The following NRG1 variants were observed in gnomAD, a reference collection of about 807,000 sequenced individuals.
NRG1 encodes the protein neuregulin 1.
In NRG1, 18 loss-of-function variants were observed where a neutral mutation model predicts 63.8. The ratio of observed to expected loss-of-function variants is 0.28; its 90% CI spans 0.19 to 0.42. The LOEUF is 0.42. Ranked by LOEUF, NRG1 falls within the 10% of genes least tolerant of loss-of-function variation. The pLI is 1.00. For synonymous variants in NRG1, 302 were observed against 301.3 expected, an observed-to-expected ratio of 1.00 and a Z score of -0.02; for missense variants, 762 against 814.7, an observed-to-expected ratio of 0.94 and a Z score of 0.79.
At chr8:32,322,361 A>T (rs1186002425) in intron 1 of NRG1, among the ~76,000 whole-genome samples, 3 of 123,884 alleles carry the variant, frequency 2.4e-5, no homozygotes, top group African/African-American at 1.1e-4. Context: ...TATTTTATAT[A>T]TATATATATA....
chr8:32,519,355 G>A (rs1363399607), intron 1 of NRG1, among the ~76,000 whole-genome samples: 1 of 151,870 alleles, frequency 6.6e-6, no homozygotes, highest in Non-Finnish European at 1.5e-5. Context: ...AAATAGATTT[G>A]AATGGATGGC....
At chr8:32,458,687 T>C (rs1456438102) in intron 1 of NRG1, among the ~76,000 whole-genome samples, 1 of 152,180 alleles carries the variant, frequency 6.6e-6, no homozygotes, top group African/African-American at 2.4e-5. Flanking sequence ...CCCTCTCCCT[T>C]CTCCCAGCAG....
intron 1 of NRG1, among the ~76,000 whole-genome samples, chr8:32,389,291 G>A (rs1041852716): frequency 1.3e-5 from 2 of 152,190 alleles, no homozygotes; most frequent in Admixed American, 1.3e-4. Context: ...CTACAAAGAA[G>A]CCTATCAGCA....
chr8:32,216,134 ATATAT>A (rs567784240), intron 1 of NRG1, among the ~76,000 whole-genome samples: 17 of 151,114 alleles, frequency 1.1e-4, no homozygotes, highest in African/African-American at 1.9e-4. Flanking sequence ...ATGGAAATGT[ATATAT>A]TATATTAGAA....
intron 1 of NRG1, among the ~76,000 whole-genome samples, chr8:32,379,185 A>G (rs1252834958): frequency 2.0e-5 from 3 of 152,016 alleles, no homozygotes; most frequent in African/African-American, 7.2e-5. Context: ...ACCTTGACAG[A>G]TTTTTTTCTG....
chr8:32,582,431 A>G (rs1840838478), intron 1 of NRG1, among the ~76,000 whole-genome samples: 1 of 152,150 alleles, frequency 6.6e-6, no homozygotes, highest in Non-Finnish European at 1.5e-5. Context: ...CTTTAATAAC[A>G]TGATCAGTTC....
At chr8:32,253,223 C>T (rs1849321069) in intron 1 of NRG1, among the ~76,000 whole-genome samples, 1 of 152,262 alleles carries the variant, frequency 6.6e-6, no homozygotes, top group East Asian at 1.9e-4. Flanking sequence ...CCAGAACTTC[C>T]AATACAATGT....
intron 1 of NRG1, among the ~76,000 whole-genome samples, chr8:32,304,009 A>G (rs1260759578): frequency 2.0e-5 from 3 of 152,228 alleles, no homozygotes; most frequent in Non-Finnish European, 4.4e-5. Context: ...TTTGTTAGGA[A>G]GGTAATGTTG....
At chr8:31,942,773 C>A (rs327355) in intron 1 of NRG1, among the ~76,000 whole-genome samples, 131,291 of 152,024 alleles carry the variant, frequency 0.86, 57,378 homozygotes, top group Non-Finnish European at 0.91. Context: ...AAATGGCCAA[C>A]AAGCATATGG....
chr8:32,552,402 C>A (rs1406551757), intron 1 of NRG1, among the ~76,000 whole-genome samples: 2 of 152,048 alleles, frequency 1.3e-5, no homozygotes, highest in Non-Finnish European at 2.9e-5. Context: ...TCCTGTCTCC[C>A]TTCACTCCTG....
intron 1 of NRG1, among the ~76,000 whole-genome samples, chr8:31,945,429 A>G (rs879350531): frequency 6.6e-6 from 1 of 152,148 alleles, no homozygotes; most frequent in African/African-American, 2.4e-5. Context: ...TTTTGCTGTT[A>G]TACTCTGAAT....
At chr8:31,878,194 T>C (rs1830070991) in intron 1 of NRG1, among the ~76,000 whole-genome samples, 1 of 152,202 alleles carries the variant, frequency 6.6e-6, no homozygotes, top group African/African-American at 2.4e-5. Context: ...GACTTTGCTA[T>C]GTTTTCAAAT....
chr8:31,816,607 C>T (rs1823471547), intron 1 of NRG1, among the ~76,000 whole-genome samples: 1 of 152,260 alleles, frequency 6.6e-6, no homozygotes, highest in African/African-American at 2.4e-5. Flanking sequence ...TATATCCTCA[C>T]TTTGTGAACT....
chr8:32,754,568 C>A, intron 8 of NRG1, 94 bp downstream of exon 8: 1 of 1,117,828 alleles, frequency 8.9e-7, no homozygotes. Flanking sequence ...ACAGCCTAGT[C>A]TTGGGGATAA....
At position 32,027,387 on chromosome 8, in the gene NRG1, A is replaced by T. The variant is rs141269679; in HGVS notation, c.37+387956A>T. 8.6e-5 allele frequency among the ~76,000 whole-genome samples: 13 copies of T among 150,910 alleles called. No homozygotes were observed. In the East Asian group the frequency reaches 2.5e-3, roughly 29 times the overall value. The stretch of plus-strand genomic sequence containing the variant: ...TTATATTTTAATTTGCTAAATCTGT[A>T]TGTTTTTTATAAATTTCCTTCCTTC... On this transcript the variant is annotated intron_variant, in intron 1 of 10. Coordinates refer to the NRG1 transcript ENST00000519301.
chr8:31,875,972 A>G (rs375694126), intron 1 of NRG1, among the ~76,000 whole-genome samples: 18 of 152,238 alleles, frequency 1.2e-4, no homozygotes, highest in African/African-American at 3.6e-4. Flanking sequence ...TCATGATAGC[A>G]GGGGGCAGAT....
intron 1 of NRG1, 104 bp downstream of exon 1, chr8:32,548,930 G>T: frequency 7.3e-7 from 1 of 1,366,526 alleles, no homozygotes; most frequent in Non-Finnish European, 9.7e-7. Flanking sequence ...TCCCTCGCCC[G>T]TCCTCTTCGC....
chr8:32,315,746 A>G (rs1857312133), intron 1 of NRG1, among the ~76,000 whole-genome samples: 1 of 152,206 alleles, frequency 6.6e-6, no homozygotes, highest in African/African-American at 2.4e-5. Flanking sequence ...GTGTCTACTC[A>G]TAGCTGTAAA....
chr8:32,449,116 G>A (rs1049343395), intron 1 of NRG1, among the ~76,000 whole-genome samples: 3 of 151,992 alleles, frequency 2.0e-5, no homozygotes, highest in African/African-American at 4.8e-5. Flanking sequence ...GCAACATGGT[G>A]AAACCCCATC....
Sources: gnomAD v4.1 joint callset for allele counts (sites outside exome capture counted in the v4.1 genomes callset) on GRCh38, gnomAD v4.1.1 for gene constraint, MANE v1.5 for transcripts, NCBI Gene and HGNC (gene_info 2026-07-23, HGNC 2026-07-21) for gene names.